The following PGBD5 variants were observed in gnomAD, a reference collection of about 807,000 sequenced individuals.
The protein encoded by PGBD5 is piggyBac transposable element-derived protein 5.
Under a neutral mutation model 47.9 loss-of-function variants are expected in PGBD5, and 14 were observed. That is an observed-to-expected ratio of 0.29 (90% CI 0.19 to 0.46). The LOEUF is 0.46. Among genes scored for constraint, PGBD5 ranks in the 20% least tolerant of loss-of-function variants. PGBD5 has a pLI of 1.00. For synonymous variants in PGBD5, 316 were observed against 306.3 expected (o/e 1.03, Z -0.33); for missense variants, 635 against 716.0 (o/e 0.89, Z 1.29).
intron 1 of PGBD5, among the ~76,000 whole-genome samples, chr1:230,375,988 C>T (rs912910689): frequency 6.6e-6 from 1 of 151,426 alleles, no homozygotes; most frequent in Non-Finnish European, 1.5e-5. Context: ...ATTGAGTGAG[C>T]GCATATCAGC....
At chr1:230,424,058 A>G (rs1444765521) in intron 1 of PGBD5, among the ~76,000 whole-genome samples, 1 of 152,184 alleles carries the variant, frequency 6.6e-6, no homozygotes, top group Non-Finnish European at 1.5e-5. Context: ...TTGACCTAGC[A>G]CAAGTTCTCT....
At chr1:230,362,451 G>A (rs1048713332) in intron 1 of PGBD5, 70 of 1,245,076 alleles carry the variant, frequency 5.6e-5, no homozygotes, top group Non-Finnish European at 6.3e-5. Context: ...GCTCTTTCCC[G>A]CCTCAAGGCC....
intron 1 of PGBD5, among the ~76,000 whole-genome samples, chr1:230,383,059 T>C (rs1301956898): frequency 1.3e-5 from 2 of 152,172 alleles, no homozygotes; most frequent in African/African-American, 4.8e-5. Flanking sequence ...TGTATGTATG[T>C]ATGTACATGT....
chr1:230,414,242 CTG>C (rs1409970534), intron 1 of PGBD5, among the ~76,000 whole-genome samples: 1 of 152,172 alleles, frequency 6.6e-6, no homozygotes, highest in Non-Finnish European at 1.5e-5. Flanking sequence ...GGACCAGTGT[CTG>C]TGTGTCTCCA....
At chr1:230,418,517 C>A (rs984341755) in intron 1 of PGBD5, among the ~76,000 whole-genome samples, 1 of 151,990 alleles carries the variant, frequency 6.6e-6, no homozygotes, top group Non-Finnish European at 1.5e-5. Context: ...TTTTTCTTTT[C>A]GAGATGGGGT....
At chr1:230,349,692 T>A (rs927007233) in intron 3 of PGBD5, among the ~76,000 whole-genome samples, 3 of 152,164 alleles carry the variant, frequency 2.0e-5, no homozygotes, top group Non-Finnish European at 2.9e-5. Context: ...AAAGTTTACA[T>A]AAAATGAACC....
At chr1:230,339,983 T>A (rs1035953309) in intron 3 of PGBD5, among the ~76,000 whole-genome samples, 23 of 152,178 alleles carry the variant, frequency 1.5e-4, no homozygotes, top group African/African-American at 5.5e-4. Flanking sequence ...ACGGTCGATT[T>A]TAAGTGTTCT....
intron 3 of PGBD5, among the ~76,000 whole-genome samples, chr1:230,338,957 C>T (rs1274342729): frequency 6.6e-6 from 1 of 152,170 alleles, no homozygotes; most frequent in East Asian, 1.9e-4. Flanking sequence ...GATAAGTTCT[C>T]TTTAACAGAT....
rs368163138 is a variant in PGBD5 at position 230,420,626 on chromosome 1, CT to C, written c.331+4971del. 2.9e-3 allele frequency among the ~76,000 whole-genome samples: 445 copies of C among 152,282 alleles called. 4 individuals carry two copies. The highest frequency in any genetic ancestry group is 0.01 in the African/African-American group (432 of 41,572). Reference sequence around the variant, plus strand: ...GGCATTTCCCCTGCTGGCAAATTCTCTCTCTTTGCCTGCAGCCATCCATGTA... The same window carrying C: ...GGCATTTCCCCTGCTGGCAAATTCTCCTCTTTGCCTGCAGCCATCCATGTA... On this transcript the variant is annotated intron_variant, in intron 1 of 6. Coordinates refer to ENST00000391860, the MANE Select transcript of PGBD5 (RefSeq NM_001258311.2).
intron 2 of PGBD5, among the ~76,000 whole-genome samples, chr1:230,355,403 C>T (rs1278062404): frequency 6.6e-6 from 1 of 152,258 alleles, no homozygotes; most frequent in African/African-American, 2.4e-5. Flanking sequence ...ACAGCGAGCA[C>T]ACAGCCTTCT....
At chr1:230,388,279 G>C (rs368809353) in intron 1 of PGBD5, among the ~76,000 whole-genome samples, 43 of 152,198 alleles carry the variant, frequency 2.8e-4, no homozygotes, top group African/African-American at 9.7e-4. Context: ...ACAAGGCTGA[G>C]AGCAGGACCC....
intron 3 of PGBD5, among the ~76,000 whole-genome samples, chr1:230,342,991 CAG>C (rs1427411290): frequency 2.0e-5 from 3 of 152,328 alleles, no homozygotes; most frequent in African/African-American, 7.2e-5. Flanking sequence ...TCCATCATTG[CAG>C]AGAGTCCTGC....
At chr1:230,416,257 A>T (rs1244305170) in intron 1 of PGBD5, among the ~76,000 whole-genome samples, 1 of 152,184 alleles carries the variant, frequency 6.6e-6, no homozygotes, top group African/African-American at 2.4e-5. Flanking sequence ...TCTCTGGGGT[A>T]AGAAACTCAC....
In PGBD5 at chr1:230,325,392, C is replaced by T. The variant is rs1317757397; in HGVS notation, c.1297G>A (p.Gly433Arg). ...QQGVIIKRKS[G>R]EIPCPLAVEA... ...ACGGCCAAGGGGCATGGGATCTCCC[C>T]ACTCTTCCTTTTGATGATGACTCCT... The change falls in exon 6 of 7, where the codon GGG (glycine) becomes AGG (arginine). Residue 433 changes from glycine to arginine, a missense_variant. By Grantham distance (125) the Gly-to-Arg change is moderately radical. Transcript: ENST00000391860. 2 of 1,613,476 alleles carry T rather than the reference C, an allele frequency of 1.2e-6. No homozygotes were observed. Among genetic ancestry groups the T allele is most frequent in the Non-Finnish European group, 1.7e-6 (2 of 1,179,784 alleles).
chr1:230,367,356 C>T (rs1018492099), intron 1 of PGBD5, among the ~76,000 whole-genome samples: 1 of 152,156 alleles, frequency 6.6e-6, no homozygotes, highest in East Asian at 1.9e-4. Context: ...CCATGAAAGG[C>T]AATGGAGAAA....
At position 230,402,337 on chromosome 1, in the gene PGBD5, G is replaced by T. The variant is rs370119814; in HGVS notation, c.331+23261C>A. Among the ~76,000 whole-genome samples, 24 of 152,358 alleles carry T rather than the reference G, an allele frequency of 1.6e-4. No individual in the cohort carries two copies. In the East Asian group the frequency reaches 1.7e-3, roughly 11 times the overall value. Reference sequence around the variant, plus strand: ...AACGCCTCTCCTCGCTGCCCTCGAGGAAGGTCCAGGAACGCTTCTCCAGAT... The same window carrying T: ...AACGCCTCTCCTCGCTGCCCTCGAGTAAGGTCCAGGAACGCTTCTCCAGAT... On this transcript the variant is annotated intron_variant, in intron 1 of 6. Transcript: ENST00000391860.
rs1243039351 is a variant in PGBD5, at chr1:230,404,976, AGTTTT to A, written c.331+20617_331+20621del. 4.7e-5 allele frequency among the ~76,000 whole-genome samples: 7 copies of A among 148,666 alleles called. No homozygotes were observed. The East Asian group carries it at 1.2e-3, about 25-fold the overall frequency. On this transcript the variant is annotated intron_variant, in intron 1 of 6. Transcript: ENST00000391860. ...AAGGCAAGGTATCACTCAGCTATCA[AGTTTT>A]TTTTTTTTTTTTAAAAAGATATATG...
intron 1 of PGBD5, among the ~76,000 whole-genome samples, chr1:230,401,357 C>G (rs1571860467): frequency 6.6e-6 from 1 of 152,178 alleles, no homozygotes; most frequent in South Asian, 2.1e-4. Flanking sequence ...ACAGGCAGTA[C>G]GTGCTCCGGG....
intron 1 of PGBD5, among the ~76,000 whole-genome samples, chr1:230,410,814 A>G (rs1257620929): frequency 6.6e-6 from 1 of 152,174 alleles, no homozygotes; most frequent in East Asian, 1.9e-4. Flanking sequence ...AAAAAAGATA[A>G]AAGTTCAAAC....
Sources: allele counts gnomAD v4.1 joint callset (sites outside exome capture counted in the v4.1 genomes callset), GRCh38; gene constraint gnomAD v4.1.1; transcripts MANE v1.5; gene names NCBI Gene and HGNC (gene_info 2026-07-23, HGNC 2026-07-21).